MDGA2: variants seen among roughly 807,000 people sequenced by gnomAD.
MDGA2 encodes the protein MAM domain-containing glycosylphosphatidylinositol anchor protein 2.
MDGA2 carries 40 observed loss-of-function variants against 117.8 expected under a neutral mutation model. The ratio of observed to expected loss-of-function variants is 0.34; its 90% CI spans 0.26 to 0.44. The LOEUF (loss-of-function observed/expected upper bound fraction) is 0.44. Ranked by LOEUF, MDGA2 falls within the 20% of genes least tolerant of loss-of-function variation. The pLI is 1.00. For missense variants in MDGA2, 1,123 were observed against 1,250.6 expected (o/e 0.90, Z 1.54); for synonymous variants, 452 against 439.0 (o/e 1.03, Z -0.37).
rs181154644 is a variant in MDGA2, at chr14:46,963,192, T to C, written c.1820-5549A>G. Among the ~76,000 whole-genome samples, 8 of 152,322 alleles carry C rather than the reference T, an allele frequency of 5.3e-5. No individual in the cohort carries two copies. In the East Asian group the frequency reaches 1.3e-3, roughly 26 times the overall value. On this transcript the variant is annotated intron_variant, in intron 8 of 16. Coordinates refer to ENST00000399232, the MANE Select transcript of MDGA2 (RefSeq NM_001113498.3). ...CACTGTCCATGATTTTAAAAGATAA[T>C]TATTTATGATGATTCTACCTTAAAA... is the stretch of plus-strand genomic sequence containing the variant.
intron 5 of MDGA2, among the ~76,000 whole-genome samples, chr14:47,115,920 T>C (rs1881304659): frequency 6.6e-6 from 1 of 152,012 alleles, no homozygotes; most frequent in Non-Finnish European, 1.5e-5. Flanking sequence ...ACAGTAGTGT[T>C]AGTCCCAGCC....
chr14:47,107,379 T>G (rs980447024), intron 5 of MDGA2, among the ~76,000 whole-genome samples: 2 of 152,122 alleles, frequency 1.3e-5, no homozygotes, highest in African/African-American at 4.8e-5. Flanking sequence ...CAAACCCATA[T>G]ACTCTCCTAT....
chr14:46,956,864 G>A (rs1405812842), intron 9 of MDGA2, among the ~76,000 whole-genome samples: 1 of 152,068 alleles, frequency 6.6e-6, no homozygotes, highest in Non-Finnish European at 1.5e-5. Context: ...TTCTCGTGAT[G>A]GTGAGTCAGT....
chr14:47,457,974 T>C (rs1566466841), intron 1 of MDGA2, among the ~76,000 whole-genome samples: 3 of 150,288 alleles, frequency 2.0e-5, no homozygotes, highest in Non-Finnish European at 3.0e-5. Context: ...ATTAATTTAA[T>C]TTTTTATCTT....
intron 6 of MDGA2, among the ~76,000 whole-genome samples, chr14:47,066,595 A>G (rs1376643734): frequency 2.6e-5 from 4 of 152,216 alleles, no homozygotes; most frequent in Non-Finnish European, 5.9e-5. Context: ...TGTATGGGAC[A>G]TCGGCTATCA....
chr14:47,381,358 C>A (rs1445290612), intron 1 of MDGA2, among the ~76,000 whole-genome samples: 1 of 152,092 alleles, frequency 6.6e-6, no homozygotes, highest in African/African-American at 2.4e-5. Context: ...AAGTTCTGGC[C>A]AGGGCAATCA....
At chr14:47,480,786 T>A (rs1162630264) in intron 1 of MDGA2, among the ~76,000 whole-genome samples, 1 of 152,024 alleles carries the variant, frequency 6.6e-6, no homozygotes, top group African/African-American at 2.4e-5. Context: ...ATAATATGAA[T>A]CTCTATGAAG....
chr14:47,390,958 C>G (rs1891880669), intron 1 of MDGA2, among the ~76,000 whole-genome samples: 1 of 152,112 alleles, frequency 6.6e-6, no homozygotes, highest in Non-Finnish European at 1.5e-5. Context: ...CAACCCTTAT[C>G]CTGGCTGTTT....
chr14:47,056,916 T>C (rs1457282914), intron 7 of MDGA2, among the ~76,000 whole-genome samples: 1 of 152,148 alleles, frequency 6.6e-6, no homozygotes, highest in Non-Finnish European at 1.5e-5. Context: ...AATTGAATTA[T>C]AGCGTATAGT....
intron 1 of MDGA2, among the ~76,000 whole-genome samples, chr14:47,510,260 A>G (rs543717846): frequency 6.6e-6 from 1 of 152,262 alleles, no homozygotes; most frequent in African/African-American, 2.4e-5. Context: ...ACCAGAAACC[A>G]TATTAAAACC....
intron 3 of MDGA2, among the ~76,000 whole-genome samples, chr14:47,212,248 C>T (rs1891000450): frequency 6.6e-6 from 1 of 151,794 alleles, no homozygotes; most frequent in Admixed American, 6.6e-5. Flanking sequence ...TATTTGGTGT[C>T]GAATATAAAG....
chr14:47,045,638 G>A (rs1365325922), intron 7 of MDGA2, among the ~76,000 whole-genome samples: 3 of 151,898 alleles, frequency 2.0e-5, no homozygotes, highest in African/African-American at 7.3e-5. Flanking sequence ...GAGGGAATAG[G>A]GACTCTACAA....
chr14:47,504,670 T>A (rs559718718), intron 1 of MDGA2, among the ~76,000 whole-genome samples: 4 of 152,038 alleles, frequency 2.6e-5, no homozygotes, highest in Non-Finnish European at 4.4e-5. Flanking sequence ...AGAAGGGCTA[T>A]CATAAAAAAA....
rs563900412 is a variant in MDGA2, at chr14:47,180,621, A to G, written c.596-36347T>C. 5.9e-5 allele frequency among the ~76,000 whole-genome samples: 9 copies of G among 152,270 alleles called. No individual in the cohort carries two copies. In the South Asian group the frequency reaches 1.9e-3, roughly 31 times the overall value. ...TAGAGAAATGCAAATCAAAATTACAATGAAATACCATCTCACAGCAGTCAG... is the reference window on the plus strand; with the variant it reads ...TAGAGAAATGCAAATCAAAATTACAGTGAAATACCATCTCACAGCAGTCAG... On this transcript the variant is annotated intron_variant, in intron 3 of 16. Transcript: ENST00000399232.
chr14:46,908,635 A>G (rs894747083), intron 10 of MDGA2, among the ~76,000 whole-genome samples: 2 of 152,138 alleles, frequency 1.3e-5, no homozygotes, highest in Non-Finnish European at 2.9e-5. Flanking sequence ...TACATCCTCA[A>G]AATATATAGA....
chr14:47,590,421 G>A (rs1232302618), intron 1 of MDGA2, among the ~76,000 whole-genome samples: 1 of 151,780 alleles, frequency 6.6e-6, no homozygotes, highest in Non-Finnish European at 1.5e-5. Context: ...CACATTCAAG[G>A]TAGAGGGAAA....
At chr14:47,486,515 A>T (rs1894065046) in intron 1 of MDGA2, among the ~76,000 whole-genome samples, 1 of 152,084 alleles carries the variant, frequency 6.6e-6, no homozygotes, top group South Asian at 2.1e-4. Context: ...TGGGGAAGGC[A>T]TGATTGGTTT....
At chr14:47,350,385 C>T (rs1890851982) in intron 1 of MDGA2, among the ~76,000 whole-genome samples, 1 of 152,074 alleles carries the variant, frequency 6.6e-6, no homozygotes, top group Non-Finnish European at 1.5e-5. Flanking sequence ...ACAGCATAGA[C>T]AGGGATATGG....
At chr14:46,961,057 C>T (rs371889659) in intron 8 of MDGA2, among the ~76,000 whole-genome samples, 1 of 151,894 alleles carries the variant, frequency 6.6e-6, no homozygotes, top group Non-Finnish European at 1.5e-5. Flanking sequence ...CTTCAGATGG[C>T]CATTGTTGGT....
Sources: allele counts gnomAD v4.1 joint callset (sites outside exome capture counted in the v4.1 genomes callset), GRCh38; gene constraint gnomAD v4.1.1; transcripts MANE v1.5; gene names NCBI Gene and HGNC (gene_info 2026-07-23, HGNC 2026-07-21).